The following DNAH5 variants were observed in gnomAD, a reference collection of about 807,000 sequenced individuals.
DNAH5 encodes the protein axonemal beta dynein heavy chain 5.
In DNAH5, 372 loss-of-function variants were observed where a neutral mutation model predicts 518.2. The ratio of observed to expected loss-of-function variants is 0.72; its 90% CI spans 0.66 to 0.78. The LOEUF is 0.78. DNAH5 is among the 30% of genes least tolerant of loss of function. DNAH5 has a pLI of 0.00. For missense variants in DNAH5, 5,523 were observed against 5,687.0 expected, an observed-to-expected ratio of 0.97 and a Z score of 0.93; for synonymous variants, 2,039 against 2,025.9, an observed-to-expected ratio of 1.01 and a Z score of -0.17.
chr5:13,889,120 A>T (rs1015613762), intron 17 of DNAH5, among the ~76,000 whole-genome samples: 3 of 152,226 alleles, frequency 2.0e-5, no homozygotes, highest in Non-Finnish European at 2.9e-5. Flanking sequence ...TTAATATTAT[A>T]ATAATGATGG....
chr5:13,812,451 G>T (rs978396121), intron 43 of DNAH5, among the ~76,000 whole-genome samples: 3 of 152,072 alleles, frequency 2.0e-5, no homozygotes, highest in African/African-American at 4.8e-5. Flanking sequence ...GACCACAAGT[G>T]CATGCCACTA....
intron 22 of DNAH5, among the ~76,000 whole-genome samples, chr5:13,874,512 C>T (rs1288649001): frequency 6.6e-6 from 1 of 151,918 alleles, no homozygotes; most frequent in Non-Finnish European, 1.5e-5. Flanking sequence ...TGGTCCAGCT[C>T]AACGTTTCTA....
intron 1 of DNAH5, among the ~76,000 whole-genome samples, chr5:13,943,078 A>G (rs921993485): frequency 6.6e-6 from 1 of 152,226 alleles, no homozygotes; most frequent in Admixed American, 6.5e-5. Context: ...GACTTGACTT[A>G]CTCTCAAAAC....
rs113212731 is a variant in DNAH5 at position 13,923,603 on chromosome 5, T to C, written c.278-163A>G. ...ATCTCTAGCATGAGCCGTACAGGGATCTTAAAAAATCTGTTTGATTCCAGA... is the reference window on the plus strand; with the variant it reads ...ATCTCTAGCATGAGCCGTACAGGGACCTTAAAAAATCTGTTTGATTCCAGA... On this transcript the variant is annotated intron_variant, in intron 3 of 78. Coordinates refer to ENST00000265104, the MANE Select transcript of DNAH5 (RefSeq NM_001369.3). 1.3e-3 allele frequency among the ~76,000 whole-genome samples: 191 copies of C among 152,262 alleles called. 1 individual carries two copies. Among genetic ancestry groups the C allele is most frequent in the African/African-American group, 4.4e-3 (183 of 41,544 alleles).
In DNAH5 at chr5:13,830,092, C is replaced by T. The variant is rs1763433728; in HGVS notation, c.6183G>A (p.Lys2061=). 4.3e-6 allele frequency: 7 copies of T among 1,613,788 alleles called. No homozygotes were observed. The highest frequency in any genetic ancestry group is 5.9e-6 in the Non-Finnish European group (7 of 1,179,958). Residue 2061 remains lysine, a synonymous_variant, in exon 37 of 79, where the codon AAG becomes AAA. Coordinates refer to ENST00000265104, the MANE Select transcript of DNAH5 (RefSeq NM_001369.3). The part of the protein sequence containing the change: ...IILTCKKEHK[K]SFIFTDGDNV... Reference sequence around the variant, plus strand: ...TATCTCCATCAGTAAAGATAAAAGACTTTTTGTGCTCCTTTTTACATGTCA... The same window carrying T: ...TATCTCCATCAGTAAAGATAAAAGATTTTTTGTGCTCCTTTTTACATGTCA...
chr5:13,815,784 T>C (rs2151802933), intron 42 of DNAH5, among the ~76,000 whole-genome samples: 1 of 152,240 alleles, frequency 6.6e-6, no homozygotes, highest in East Asian at 1.9e-4. Flanking sequence ...CCAACAGAGA[T>C]CCTCGTAGAG....
intron 1 of DNAH5, among the ~76,000 whole-genome samples, chr5:13,933,789 C>CAAAAAAAA (rs533169329): frequency 1.2e-5 from 1 of 82,388 alleles, no homozygotes; most frequent in African/African-American, 4.4e-5. Context: ...GACTCCACCT[C>CAAAAAAAA]AAAAAAAAAA....
At position 13,721,233 on chromosome 5, in the gene DNAH5, T is replaced by A; in HGVS notation, c.12046A>T (p.Ile4016Phe). ...DRTIAQARKYIVDSMGEKYAE... is the reference protein window; with the variant it reads ...DRTIAQARKYFVDSMGEKYAE... ...TATTTTTCTCCCATGGAGTCCACGA[T>A]GTACTTGCGGGCCTGCCAAAAACAG... Residue 4016 changes from isoleucine to phenylalanine, a missense_variant, in exon 71 of 79, where the codon ATC (isoleucine) becomes TTC (phenylalanine). This residue lies in a region of DNAH5 where 5,121 missense variants were observed against 5,223.3 expected (regional missense o/e 0.98). Coordinates refer to ENST00000265104, the MANE Select transcript of DNAH5 (RefSeq NM_001369.3). The A allele has an allele frequency of 6.2e-7, 1 of 1,614,146 alleles. No homozygotes were observed. Among genetic ancestry groups the A allele is most frequent in the Non-Finnish European group, 8.5e-7 (1 of 1,179,986 alleles).
At chr5:13,756,422 C>A (rs1326640602) in intron 61 of DNAH5, among the ~76,000 whole-genome samples, 1 of 152,012 alleles carries the variant, frequency 6.6e-6, no homozygotes, top group Non-Finnish European at 1.5e-5. Flanking sequence ...CTTCTGTGGT[C>A]CCATGATTAT....
upstream of DNAH5, among the ~76,000 whole-genome samples, chr5:13,947,214 A>G (rs1560989694): frequency 1.3e-5 from 2 of 152,218 alleles, no homozygotes; most frequent in Non-Finnish European, 2.9e-5. Context: ...ATGTGGACAT[A>G]TGTTCTGAAT....
At chr5:13,820,859 T>C (rs182337018) in intron 40 of DNAH5, among the ~76,000 whole-genome samples, 1 of 139,126 alleles carries the variant, frequency 7.2e-6, no homozygotes, top group East Asian at 2.2e-4. Context: ...TCAATGACAA[T>C]CTCAATTTAC....
chr5:13,852,906 C>T (rs559617768), intron 30 of DNAH5, among the ~76,000 whole-genome samples: 1 of 152,346 alleles, frequency 6.6e-6, no homozygotes, highest in African/African-American at 2.4e-5. Flanking sequence ...CTCCCTGGGA[C>T]AGAGCGCCTG....
chr5:13,900,898 A>G (rs372931736), intron 14 of DNAH5: 6 of 338,240 alleles, frequency 1.8e-5, no homozygotes, highest in East Asian at 1.4e-4. Context: ...AGAAAATTTG[A>G]AACTTTGTTT....
intron 43 of DNAH5, 109 bp downstream of exon 43, chr5:13,814,496 T>C: frequency 1.9e-6 from 2 of 1,074,544 alleles, no homozygotes; most frequent in South Asian, 2.7e-5. Context: ...AACATTAGCA[T>C]AAAAATGCAG....
chr5:13,820,327 G>T lies in DNAH5; in HGVS notation c.6841+19C>A. On this transcript the variant is annotated intron_variant, in intron 41 of 78. Transcript: ENST00000265104. ...ACTTAAATGGGCCACCCCAGGCATT[G>T]ACCTTGGCTGCCCTGTACCTGTCAT... The T allele has an allele frequency of 6.2e-7, 1 of 1,605,750 alleles. No homozygotes were observed. The highest frequency in any genetic ancestry group is 8.5e-7 in the Non-Finnish European group (1 of 1,179,944).
intron 51 of DNAH5, among the ~76,000 whole-genome samples, chr5:13,786,900 T>G (rs1317292424): frequency 6.6e-6 from 1 of 152,116 alleles, no homozygotes; most frequent in Non-Finnish European, 1.5e-5. Flanking sequence ...CAAGATGTAT[T>G]AAAATCAATA....
chr5:13,776,733 T>G, intron 54 of DNAH5, 27 bp from the exon 55 acceptor site: 1 of 1,612,036 alleles, frequency 6.2e-7, no homozygotes, highest in Non-Finnish European at 8.5e-7. Flanking sequence ...GGCATGCAAA[T>G]TCAGTACACA....
chr5:13,822,770 A>G (rs115288944), intron 40 of DNAH5, among the ~76,000 whole-genome samples: 22,733 of 152,132 alleles, frequency 0.15, 1,740 homozygotes, highest in Admixed American at 0.19. Flanking sequence ...CATGATATAC[A>G]TAGTGTGGTG....
rs750336729 is a variant in DNAH5, at chr5:13,692,167, G to T, written c.13724-32C>A. 5 of 1,612,620 alleles carry T rather than the reference G, an allele frequency of 3.1e-6. No individual in the cohort carries two copies. In the South Asian group the frequency reaches 5.5e-5, roughly 18 times the overall value. On this transcript the variant is annotated intron_variant, in intron 78 of 78. Coordinates refer to ENST00000265104, the MANE Select transcript of DNAH5 (RefSeq NM_001369.3). ...AAAACATAAAAGAAAAGAACTTGGTGAAATTTCCACTTTAGAGCCCAAGGA... is the reference window on the plus strand; with the variant it reads ...AAAACATAAAAGAAAAGAACTTGGTTAAATTTCCACTTTAGAGCCCAAGGA...
Sources: allele counts gnomAD v4.1 joint callset (sites outside exome capture counted in the v4.1 genomes callset), GRCh38; gene constraint gnomAD v4.1.1; regional missense constraint gnomAD v4.1.1; transcripts MANE v1.5; gene names NCBI Gene and HGNC (gene_info 2026-07-23, HGNC 2026-07-21).